The following GRM5 variants were observed in gnomAD, a reference collection of about 807,000 sequenced individuals.
GRM5 encodes glutamate metabotropic receptor 5.
GRM5 carries 19 observed loss-of-function variants against 83.1 expected under a neutral mutation model. The ratio of observed to expected loss-of-function variants is 0.23; its 90% CI spans 0.16 to 0.34. GRM5 has a LOEUF of 0.34. Ranked by LOEUF, GRM5 falls within the 10% of genes least tolerant of loss-of-function variation. GRM5 has a pLI of 1.00. For missense variants in GRM5, 1,160 were observed against 1,588.3 expected (o/e 0.73, Z 4.58); for synonymous variants, 675 against 633.6 (o/e 1.07, Z -0.98).
intron 3 of GRM5, among the ~76,000 whole-genome samples, chr11:88,845,614 T>C (rs1298976355): frequency 2.6e-5 from 4 of 151,892 alleles, no homozygotes; most frequent in African/African-American, 9.7e-5. Flanking sequence ...TTTGTATTTT[T>C]AGTAGAGACG....
intron 2 of GRM5, among the ~76,000 whole-genome samples, chr11:88,975,922 G>C (rs1006997141): frequency 6.6e-6 from 1 of 152,104 alleles, no homozygotes; most frequent in African/African-American, 2.4e-5. Context: ...GTTATAACAA[G>C]AATGAAATAA....
intron 3 of GRM5, among the ~76,000 whole-genome samples, chr11:88,835,694 C>A (rs1485972666): frequency 2.0e-5 from 3 of 152,074 alleles, no homozygotes; most frequent in Non-Finnish European, 4.4e-5. Flanking sequence ...CATTTTTAAT[C>A]CATGTTATTG....
At chr11:88,905,191 G>A (rs1231204514) in intron 2 of GRM5, among the ~76,000 whole-genome samples, 2 of 152,314 alleles carry the variant, frequency 1.3e-5, no homozygotes, top group Admixed American at 6.5e-5. Context: ...AGGTAGGGAA[G>A]AATGTGGAAA....
chr11:88,822,196 G>T (rs1013829204), intron 3 of GRM5, among the ~76,000 whole-genome samples: 6 of 152,110 alleles, frequency 3.9e-5, no homozygotes, highest in African/African-American at 1.4e-4. Context: ...ATCTTAGTTG[G>T]AAAGAGAATT....
chr11:88,724,533 G>A (rs910259544), intron 3 of GRM5, among the ~76,000 whole-genome samples: 1 of 152,264 alleles, frequency 6.6e-6, no homozygotes, highest in South Asian at 2.1e-4. Flanking sequence ...CTTTGGACCA[G>A]TAATAGTGAT....
chr11:88,510,569 T>G (rs1231628390), intron 9 of GRM5, among the ~76,000 whole-genome samples: 1 of 152,220 alleles, frequency 6.6e-6, no homozygotes, highest in East Asian at 1.9e-4. Flanking sequence ...CAGGCTGAAG[T>G]GCAGTGGCGC....
chr11:88,584,700 T>C (rs906940355), intron 7 of GRM5, among the ~76,000 whole-genome samples: 7 of 152,190 alleles, frequency 4.6e-5, no homozygotes, highest in Non-Finnish European at 1.0e-4. Flanking sequence ...CAATGTAGCC[T>C]CCCAAAGTGT....
intron 2 of GRM5, among the ~76,000 whole-genome samples, chr11:88,945,203 G>T (rs1352945855): frequency 6.6e-6 from 1 of 151,588 alleles, no homozygotes; most frequent in Non-Finnish European, 1.5e-5. Flanking sequence ...GACCTCTACA[G>T]GGACAACTAC....
At chr11:88,942,050 A>G (rs1938132353) in intron 2 of GRM5, among the ~76,000 whole-genome samples, 2 of 152,156 alleles carry the variant, frequency 1.3e-5, no homozygotes, top group South Asian at 2.1e-4. Flanking sequence ...ACATAAAAAC[A>G]AAAACAAAAC....
intron 3 of GRM5, among the ~76,000 whole-genome samples, chr11:88,745,913 C>T (rs1216773053): frequency 1.3e-5 from 2 of 152,140 alleles, no homozygotes; most frequent in Non-Finnish European, 2.9e-5. Flanking sequence ...CTTAAGTGAC[C>T]TTGGGAATAT....
chr11:88,567,508 G>A lies in GRM5; in HGVS notation c.2175C>T (p.Ser725=), dbSNP rs924037740. 6.2e-6 allele frequency: 10 copies of A among 1,613,830 alleles called. No individual in the cohort carries two copies. The highest frequency in any genetic ancestry group is 1.3e-5 in the African/African-American group (1 of 75,032). The part of the protein sequence containing the change: ...EPPDIMHDYP[S]IREVYLICNT... Reference sequence around the variant, plus strand: ...TACAGATCAGGTAGACTTCTCGAATGCTTGGGTAGTCATGCATTATGTCAG... The same window carrying A: ...TACAGATCAGGTAGACTTCTCGAATACTTGGGTAGTCATGCATTATGTCAG... Residue 725 remains serine, a synonymous_variant, in exon 8 of 10, where the codon AGC becomes AGT. Transcript: ENST00000305447. The surrounding 1 kb of genome is among the most constrained non-coding windows in gnomAD (Gnocchi z 7.3).
At chr11:88,811,687 A>G (rs11021417) in intron 3 of GRM5, among the ~76,000 whole-genome samples, 3,871 of 152,218 alleles carry the variant, frequency 0.025, 173 homozygotes, top group African/African-American at 0.089. Flanking sequence ...TGACAAGATG[A>G]GAAGTAATGA....
chr11:88,812,655 CT>C (rs1222302725), intron 3 of GRM5, among the ~76,000 whole-genome samples: 11 of 152,264 alleles, frequency 7.2e-5, no homozygotes, highest in Middle Eastern at 3.4e-3. Flanking sequence ...ATGGCTGACA[CT>C]GCCTCTCTGC....
chr11:88,509,227 C>T lies in GRM5; in HGVS notation c.3004G>A (p.Asp1002Asn). ...SPDAGPKALY[D>N]VAEAEEHFPA... ...AAGTGCTCCTCAGCCTCGGCCACATCATACAGCGCCTTGGGGCCGGCGTCT... is the reference window on the plus strand; with the variant it reads ...AAGTGCTCCTCAGCCTCGGCCACATTATACAGCGCCTTGGGGCCGGCGTCT... Residue 1002 changes from aspartate (D) to asparagine (N), a missense_variant, in exon 10 of 10, where the codon GAT (aspartate) becomes AAT (asparagine). Asp to Asn is a conservative substitution (Grantham distance 23). Around this residue, in one of 9 missense-constraint regions of GRM5, gnomAD observed 562 missense variants for 532.4 expected, o/e 1.06. Coordinates refer to ENST00000305447, the MANE Select transcript of GRM5 (RefSeq NM_001143831.3). 1.3e-6 allele frequency: 2 copies of T among 1,511,248 alleles called. No individual in the cohort carries two copies. Among genetic ancestry groups the T allele is most frequent in the Non-Finnish European group, 8.8e-7 (1 of 1,132,466 alleles). 93.6% of individuals were successfully genotyped at this position (1,511,248 alleles called of 1,614,324 possible).
intron 2 of GRM5, among the ~76,000 whole-genome samples, chr11:88,907,827 T>C (rs1186324373): frequency 1.3e-5 from 2 of 152,128 alleles, no homozygotes; most frequent in Non-Finnish European, 2.9e-5. Flanking sequence ...ATAAAATTGT[T>C]TATTCTCATA....
intron 2 of GRM5, among the ~76,000 whole-genome samples, chr11:88,884,166 C>G (rs1171997498): frequency 6.7e-6 from 1 of 150,292 alleles, no homozygotes; most frequent in Non-Finnish European, 1.5e-5. Context: ...ATGACAAGAG[C>G]TGGAGCCCTA....
rs1475261511 is a variant in GRM5, at chr11:88,667,474, T to C, written c.912-14071A>G. Among the ~76,000 whole-genome samples the C allele has an allele frequency of 5.9e-5, 9 of 151,494 alleles. No individual in the cohort carries two copies. The East Asian group carries it at 1.7e-3, about 29-fold the overall frequency. On this transcript the variant is annotated intron_variant, in intron 3 of 9. Coordinates refer to ENST00000305447, the MANE Select transcript of GRM5 (RefSeq NM_001143831.3). ...TTTATCATAGTAAAGCTGCTAAAAA[T>C]GAAAGGCAAAGTTATTGAAAGTAAA...
At chr11:89,018,077 C>T (rs1940902068) in intron 2 of GRM5, among the ~76,000 whole-genome samples, 2 of 152,186 alleles carry the variant, frequency 1.3e-5, no homozygotes, top group East Asian at 3.9e-4. Context: ...AGGTTTGTTG[C>T]ATGGATGAAA....
chr11:88,570,161 G>C (rs1380527649), intron 7 of GRM5, among the ~76,000 whole-genome samples: 1 of 152,112 alleles, frequency 6.6e-6, no homozygotes, highest in African/African-American at 2.4e-5. Flanking sequence ...TATAATTAAA[G>C]TCATAATGGA....
Sources: allele counts gnomAD v4.1 joint callset (sites outside exome capture counted in the v4.1 genomes callset), GRCh38; gene constraint gnomAD v4.1.1; regional missense constraint gnomAD v4.1.1; non-coding constraint Gnocchi (gnomAD v3.1); transcripts MANE v1.5; gene names NCBI Gene and HGNC (gene_info 2026-07-23, HGNC 2026-07-21).